BNC2: variants seen among roughly 807,000 people sequenced by gnomAD.
The protein encoded by BNC2 is basonuclin zinc finger protein 2, also known as zinc finger protein basonuclin-2.
Under a neutral mutation model 76.3 loss-of-function variants are expected in BNC2, and 20 were observed. The observed-to-expected ratio is 0.26, with a 90% CI of 0.18 to 0.38. The LOEUF (loss-of-function observed/expected upper bound fraction) is 0.38. BNC2 is among the 10% of genes least tolerant of loss of function. The pLI is 1.00. For missense variants in BNC2, 1,382 were observed against 1,399.8 expected, an observed-to-expected ratio of 0.99 and a Z score of 0.20; for synonymous variants, 582 against 514.8, an observed-to-expected ratio of 1.13 and a Z score of -1.77.
intron 5 of BNC2, among the ~76,000 whole-genome samples, chr9:16,509,494 C>T (rs1011644020): frequency 3.3e-5 from 5 of 152,302 alleles, no homozygotes; most frequent in African/African-American, 9.6e-5. Flanking sequence ...ATCCATACCA[C>T]GTCACAAGGT....
chr9:16,849,592 C>T (rs898559210), intron 1 of BNC2, among the ~76,000 whole-genome samples: 5 of 152,010 alleles, frequency 3.3e-5, no homozygotes, highest in African/African-American at 4.8e-5. Context: ...CTCCTGACTT[C>T]AAGTGACCTA....
intron 1 of BNC2, among the ~76,000 whole-genome samples, chr9:16,852,222 G>A (rs1819144575): frequency 6.6e-6 from 1 of 152,036 alleles, no homozygotes; most frequent in African/African-American, 2.4e-5. Context: ...TATATATCAT[G>A]CACACTATAA....
rs1821449608 is a variant in BNC2, at chr9:16,456,401, C to G, written c.670-18877G>C. Among the ~76,000 whole-genome samples the G allele has an allele frequency of 2.0e-5, 3 of 151,870 alleles. No individual in the cohort carries two copies. In the South Asian group the frequency reaches 6.2e-4, roughly 32 times the overall value. On this transcript the variant is annotated intron_variant, in intron 5 of 6. Coordinates refer to ENST00000380672, the MANE Select transcript of BNC2 (RefSeq NM_017637.6). ...AGGCAAAGTTTATGTGAGGTGAACA[C>G]TTGCAGACAAAATCAGAGTCCTGGG...
intron 6 of BNC2, chr9:16,429,388 A>G (rs1486690964): frequency 6.5e-6 from 1 of 152,758 alleles, no homozygotes; most frequent in Non-Finnish European, 1.5e-5. Context: ...TAAAAAGAAA[A>G]GATGGGCTAC....
At chr9:16,639,235 G>T (rs975471849) in intron 3 of BNC2, among the ~76,000 whole-genome samples, 2 of 152,050 alleles carry the variant, frequency 1.3e-5, no homozygotes, top group Non-Finnish European at 2.9e-5. Flanking sequence ...TTCAATAACA[G>T]AAATAATGAA....
chr9:16,473,476 G>A (rs1488798341), intron 5 of BNC2: 1 of 152,174 alleles, frequency 6.6e-6, no homozygotes, highest in East Asian at 1.9e-4. Context: ...AAATAAAAGT[G>A]TTGATCCCAG....
chr9:16,842,225 C>A (rs541855413), intron 1 of BNC2, among the ~76,000 whole-genome samples: 198 of 152,252 alleles, frequency 1.3e-3, no homozygotes, highest in African/African-American at 4.1e-3. Context: ...TGTTGACCTA[C>A]CAAACTAGTA....
intron 1 of BNC2, among the ~76,000 whole-genome samples, chr9:16,766,275 C>T (rs1348481745): frequency 2.0e-5 from 3 of 152,130 alleles, no homozygotes; most frequent in Non-Finnish European, 4.4e-5. Flanking sequence ...TCACTGTTTC[C>T]TTTAATTGAG....
intron 5 of BNC2, among the ~76,000 whole-genome samples, chr9:16,533,170 A>C (rs1283917143): frequency 1.3e-5 from 2 of 152,204 alleles, no homozygotes; most frequent in African/African-American, 4.8e-5. Context: ...TATTTTTATG[A>C]AGTCTTGTAA....
chr9:16,436,463 G>A lies in BNC2; in HGVS notation c.1731C>T (p.Leu577=). The A allele has an allele frequency of 1.2e-6, 2 of 1,614,088 alleles. No individual in the cohort carries two copies. The highest frequency in any genetic ancestry group is 1.1e-5 in the South Asian group (1 of 91,068). The change falls in exon 6 of 7, where the codon CTC becomes CTT. Residue 577 remains leucine (L), a synonymous_variant. Transcript: ENST00000380672. ...GAGGACTCACCATTTCCCCTGGAGT[G>A]AGTAAACTTCTATAAAATGGAGGAA... The part of the protein sequence containing the change: ...QPVPPFYRSL[L]TPGEMVSPPT...
intron 3 of BNC2, among the ~76,000 whole-genome samples, chr9:16,616,228 T>TA (rs1331724812): frequency 6.6e-6 from 1 of 150,884 alleles, no homozygotes; most frequent in African/African-American, 2.4e-5. Flanking sequence ...CTCTACATAA[T>TA]AAAAAATAAA....
At chr9:16,464,957 A>T (rs1479315432) in intron 5 of BNC2, among the ~76,000 whole-genome samples, 2 of 152,168 alleles carry the variant, frequency 1.3e-5, no homozygotes, top group African/African-American at 4.8e-5. Context: ...GGCCTTTCCA[A>T]TGCTAACTTA....
intron 3 of BNC2, chr9:16,626,050 G>A (rs559230826): frequency 6.6e-6 from 1 of 152,320 alleles, no homozygotes; most frequent in South Asian, 2.1e-4. Context: ...GCTAGTTGGG[G>A]CCCTTAAAAG....
intron 3 of BNC2, chr9:16,665,131 G>A (rs1256155859): frequency 4.4e-6 from 2 of 452,914 alleles, no homozygotes. Context: ...CACTTTGGAA[G>A]TCCAAGACGG....
At chr9:16,725,217 T>TCA (rs4007689) in intron 3 of BNC2, among the ~76,000 whole-genome samples, 3,221 of 148,212 alleles carry the variant, frequency 0.022, 54 homozygotes, top group South Asian at 0.064. Context: ...TCTCTCTCTC[T>TCA]CACACACACA....
chr9:16,786,478 G>A (rs1303419713), intron 1 of BNC2, among the ~76,000 whole-genome samples: 4 of 152,270 alleles, frequency 2.6e-5, no homozygotes, highest in East Asian at 1.9e-4. Context: ...GCTTACACAC[G>A]AGACTTTAAG....
At chr9:16,698,640 G>A (rs147727293) in intron 3 of BNC2, among the ~76,000 whole-genome samples, 82 of 152,056 alleles carry the variant, frequency 5.4e-4, no homozygotes, top group African/African-American at 2.0e-3. Flanking sequence ...GTTGCGGTGA[G>A]CCAAGATGGC....
chr9:16,832,305 G>C, intron 1 of BNC2: 2 of 1,275,958 alleles, frequency 1.6e-6, no homozygotes, highest in Non-Finnish European at 2.0e-6. Flanking sequence ...TGTTATCAAG[G>C]GAAAAGAAGC....
At chr9:16,864,611 C>A (rs774016375) in intron 1 of BNC2, among the ~76,000 whole-genome samples, 1 of 152,150 alleles carries the variant, frequency 6.6e-6, no homozygotes, top group Non-Finnish European at 1.5e-5. Context: ...TTACTGCCAG[C>A]GTCGGCCTAT....
Sources: gnomAD v4.1 joint callset for allele counts (sites outside exome capture counted in the v4.1 genomes callset) on GRCh38, gnomAD v4.1.1 for gene constraint, MANE v1.5 for transcripts, NCBI Gene and HGNC (gene_info 2026-07-23, HGNC 2026-07-21) for gene names.